The following MCAM variants were observed in gnomAD, a reference collection of about 807,000 sequenced individuals.
The protein encoded by MCAM is cell surface glycoprotein MUC18.
A neutral mutation model predicts 79.1 loss-of-function variants in MCAM; 55 were observed. The ratio of observed to expected loss-of-function variants is 0.70; its 90% CI spans 0.56 to 0.87. The LOEUF (loss-of-function observed/expected upper bound fraction) is 0.87, where lower values mean the gene tolerates loss of function less well. Ranked by LOEUF, MCAM falls within the 40% of genes least tolerant of loss-of-function variation. MCAM has a pLI of 0.00. For synonymous variants in MCAM, 330 were observed against 339.8 expected, an observed-to-expected ratio of 0.97 and a Z score of 0.32; for missense variants, 745 against 839.8, an observed-to-expected ratio of 0.89 and a Z score of 1.40.
Position 119,317,086 on chromosome 11 carries a change from G to C in MCAM, c.16C>G (p.Leu6Val), listed in dbSNP as rs754491611. MGLPR[L>V]VCAFLLAACC... ...GCGGCGAGCAAGAAGGCGCAGACCA[G>C]CCTGGGAAGCCCCATGCTTCCCGGC... Residue 6 changes from leucine to valine, a missense_variant, in exon 1 of 16, where the codon CTG becomes GTG. Physicochemically the swap from Leu to Val is conservative, Grantham distance 32. Coordinates refer to ENST00000264036, the MANE Select transcript of MCAM (RefSeq NM_006500.3). This position sits in a 1 kb window ranked among gnomAD's most constrained non-coding sequence, Gnocchi z 6.2. 1 of 1,531,740 alleles carries C rather than the reference G, an allele frequency of 6.5e-7. No homozygotes were observed. The highest frequency in any genetic ancestry group is 1.9e-4 in the Middle Eastern group (1 of 5,142). 94.9% of individuals were successfully genotyped at this position (1,531,740 alleles called of 1,614,324 possible).
Position 119,312,336 on chromosome 11 carries a change from A to G in MCAM, c.954T>C (p.Tyr318=). Residue 318 remains tyrosine, a synonymous_variant, in exon 8 of 16, where the codon TAT becomes TAC. Transcript: ENST00000264036. The surrounding 1 kb of genome is among the most constrained non-coding windows in gnomAD (Gnocchi z 4.9). ...EPARKEHSGR[Y]ECQGLDLDTM... is the part of the protein sequence containing the mutation. ...TGTCCAAGTCCAGGCCCTGACATTC[A>G]TAGCGCCCACTGTGTTCCTTCCGGG... 1 of 1,613,976 alleles carries G rather than the reference A, an allele frequency of 6.2e-7. No homozygotes were observed. The highest frequency in any genetic ancestry group is 1.1e-5 in the South Asian group (1 of 91,074).
chr11:119,310,959 C>A (rs571476783), intron 13 of MCAM, 56 bp from the exon 14 acceptor site: 2 of 1,613,786 alleles, frequency 1.2e-6, no homozygotes, highest in Non-Finnish European at 1.7e-6. Flanking sequence ...TCGTCACCAT[C>A]GTTGGCCCAG....
Position 119,311,555 on chromosome 11 carries a change from G to A in MCAM, c.1382C>T (p.Thr461Ile), listed in dbSNP as rs373274464. The A allele has an allele frequency of 1.1e-5, 18 of 1,614,032 alleles. No homozygotes were observed. The highest frequency in any genetic ancestry group is 1.5e-5 in the Non-Finnish European group (18 of 1,180,026). ...SCEASGHPRP[T>I]ISWNVNGTAS... ...CGTGCCGTTGACGTTCCAGGAGATGGTGGGCCGGGGGTGCCCTGACGCTTC... is the reference window on the plus strand; with the variant it reads ...CGTGCCGTTGACGTTCCAGGAGATGATGGGCCGGGGGTGCCCTGACGCTTC... The change falls in exon 11 of 16, where the codon ACC (threonine) becomes ATC (isoleucine). Residue 461 changes from threonine to isoleucine, a missense_variant. By Grantham distance (89) the Thr-to-Ile change is moderately conservative (BLOSUM62 -1). Transcript: ENST00000264036. The surrounding 1 kb of genome is among the most constrained non-coding windows in gnomAD (Gnocchi z 4.4).
intron 15 of MCAM, 143 bp from the exon 16 acceptor site, chr11:119,310,058 G>T: frequency 1.4e-6 from 1 of 730,640 alleles, no homozygotes; most frequent in Non-Finnish European, 2.3e-6. Flanking sequence ...GGGCATGGCA[G>T]GCCAGGGAAG....
At position 119,310,869 on chromosome 11, in the gene MCAM, C is replaced by T. The variant is rs770926903; in HGVS notation, c.1680G>A (p.Val560=). The change falls in exon 14 of 16, where the codon GTG becomes GTA. Residue 560 remains valine (V), a synonymous_variant. Coordinates refer to ENST00000264036, the MANE Select transcript of MCAM (RefSeq NM_006500.3). ...RKLPEPESRG[V]VIVAVIVCIL... is the part of the protein sequence containing the mutation. ...TGCACACAATCACAGCCACGATGAC[C>T]ACGCCCCGGCTCTCCGGCTCCGGCA... 6 of 1,614,206 alleles carry T rather than the reference C, an allele frequency of 3.7e-6. No individual in the cohort carries two copies. Among genetic ancestry groups the T allele is most frequent in the Non-Finnish European group, 5.1e-6 (6 of 1,180,038 alleles).
At chr11:119,313,357 C>T (rs1950262730) in intron 5 of MCAM, 3 of 1,270,434 alleles carry the variant, frequency 2.4e-6, no homozygotes, top group Non-Finnish European at 3.1e-6. Context: ...GTATACCATA[C>T]ACCACCACTT....
chr11:119,313,162 A>T, intron 5 of MCAM: 1 of 1,515,070 alleles, frequency 6.6e-7, no homozygotes, highest in Non-Finnish European at 8.8e-7. Flanking sequence ...GCTCATATCC[A>T]AGGATGTGTG....
intron 15 of MCAM, 186 bp from the exon 16 acceptor site, chr11:119,310,101 A>G (rs1950208278): frequency 4.7e-6 from 3 of 641,288 alleles, no homozygotes; most frequent in Non-Finnish European, 8.3e-6. Flanking sequence ...CACTGGTGAA[A>G]TGGCCACACC....
At chr11:119,310,972 A>T in intron 13 of MCAM, 69 bp from the exon 14 acceptor site, 4 of 1,613,540 alleles carry the variant, frequency 2.5e-6, no homozygotes, top group Non-Finnish European at 2.5e-6. Flanking sequence ...TGGCCCAGCC[A>T]GTCCAGGGCC....
chr11:119,310,881 C>CT lies in MCAM; in HGVS notation c.1667dup (p.Ser557GlufsTer28). On this transcript the variant is annotated frameshift_variant, in exon 14 of 16. Transcript: ENST00000264036. LOFTEE classifies it high-confidence loss of function. ...CAGCCACGATGACCACGCCCCGGCT[C>CT]TCCGGCTCCGGCAGCTTTCTCTCTG... 6.2e-7 allele frequency: 1 copy of CT among 1,614,198 alleles called. No individual in the cohort carries two copies. Among genetic ancestry groups the CT allele is most frequent in the Non-Finnish European group, 8.5e-7 (1 of 1,180,030 alleles).
In MCAM at chr11:119,312,663, G is replaced by C. The variant is rs377642716; in HGVS notation, c.740-15C>G. On this transcript the variant is annotated splice_polypyrimidine_tract_variant and intron_variant, in intron 6 of 15. Transcript: ENST00000264036. This position sits in a 1 kb window ranked among gnomAD's most constrained non-coding sequence, Gnocchi z 4.9. ...TTCTGTCGGGTCTGCATAGGCAAAGGGGGTAGCTCTTGGCCCATGAGTCAA... is the reference window on the plus strand; with the variant it reads ...TTCTGTCGGGTCTGCATAGGCAAAGCGGGTAGCTCTTGGCCCATGAGTCAA... The C allele has an allele frequency of 7.7e-5, 125 of 1,613,826 alleles. No individual in the cohort carries two copies. Among genetic ancestry groups the C allele is most frequent in the South Asian group, 2.3e-4 (21 of 91,078 alleles).
chr11:119,310,698 C>CAGGCAGCAGGCTGGGT, intron 14 of MCAM, 58 bp downstream of exon 14: 1 of 1,573,000 alleles, frequency 6.4e-7, no homozygotes, highest in Non-Finnish European at 8.7e-7. Flanking sequence ...GGGCGCTGGG[C>CAGGCAGCAGGCTGGGT]AGGCAGCAGG....
In MCAM at chr11:119,311,242, C is replaced by T; in HGVS notation, c.1549+38G>A. On this transcript the variant is annotated intron_variant, in intron 12 of 15. Coordinates refer to ENST00000264036, the MANE Select transcript of MCAM (RefSeq NM_006500.3). The surrounding 1 kb of genome is among the most constrained non-coding windows in gnomAD (Gnocchi z 4.4). ...GCGCAAGTTACTGCCCGTGCCTGGG[C>T]CTGCCCCTGCCATCCCCTGCAGGGA... is the stretch of plus-strand genomic sequence containing the variant. 1.2e-6 allele frequency: 2 copies of T among 1,613,230 alleles called. No homozygotes were observed. Among genetic ancestry groups the T allele is most frequent in the South Asian group, 2.2e-5 (2 of 91,060 alleles).
Position 119,312,358 on chromosome 11 carries a change from C to T in MCAM, c.932G>A (p.Arg311Gln), listed in dbSNP as rs140965114. Reference protein sequence around the residue: ...DNGVLVLEPARKEHSGRYECQ... With the variant: ...DNGVLVLEPAQKEHSGRYECQ... Reference sequence around the variant, plus strand: ...TTCATAGCGCCCACTGTGTTCCTTCCGGGCAGGCTCCAGCACCAGGACCCC... The same window carrying T: ...TTCATAGCGCCCACTGTGTTCCTTCTGGGCAGGCTCCAGCACCAGGACCCC... The change falls in exon 8 of 16, where the codon CGG (arginine) becomes CAG (glutamine). Residue 311 changes from arginine to glutamine, a missense_variant. Transcript: ENST00000264036. This position sits in a 1 kb window ranked among gnomAD's most constrained non-coding sequence, Gnocchi z 4.9. The T allele has an allele frequency of 7.1e-5, 115 of 1,614,054 alleles. No homozygotes were observed. In the East Asian group the frequency reaches 1.2e-3, roughly 17 times the overall value.
rs760545586 is a variant in MCAM at position 119,315,217 on chromosome 11, C to A, written c.114G>T (p.Val38=). ...TCAGAAGGGCTGTGCTGCCCACTTC[C>A]ACCTCCACCAGCTCAGGCGCAGGCT... The part of the protein sequence containing the change: ...AEQPAPELVE[V]EVGSTALLKC... The change falls in exon 2 of 16, where the codon GTG becomes GTT. Residue 38 remains valine (V), a synonymous_variant. Coordinates refer to ENST00000264036, the MANE Select transcript of MCAM (RefSeq NM_006500.3). The surrounding 1 kb of genome is among the most constrained non-coding windows in gnomAD (Gnocchi z 4.4). 5 of 1,612,752 alleles carry A rather than the reference C, an allele frequency of 3.1e-6. No individual in the cohort carries two copies. In the South Asian group the frequency reaches 5.5e-5, roughly 18 times the overall value.
At chr11:119,310,618 G>A (rs1950217749) in intron 14 of MCAM, 138 bp downstream of exon 14, 4 of 1,121,334 alleles carry the variant, frequency 3.6e-6, no homozygotes, top group Admixed American at 1.8e-5. Flanking sequence ...GCTGATGGAA[G>A]CTGGGCAGTG....
In MCAM at chr11:119,312,915, C is replaced by T. The variant is rs757168667; in HGVS notation, c.594G>A (p.Ser198=). The change falls in exon 6 of 16, where the codon TCG becomes TCA. Residue 198 remains serine, a synonymous_variant. Transcript: ENST00000264036. This position sits in a 1 kb window ranked among gnomAD's most constrained non-coding sequence, Gnocchi z 4.9. Reference sequence around the variant, plus strand: ...TACTCTGCAAGGTGTACAAACCACTCGACTCCACAGTCTGGGACGACTGAA... The same window carrying T: ...TACTCTGCAAGGTGTACAAACCACTTGACTCCACAGTCTGGGACGACTGAA... ...VHIQSSQTVE[S]SGLYTLQSIL... 7.4e-6 allele frequency: 12 copies of T among 1,614,008 alleles called. No individual in the cohort carries two copies. In the Admixed American group the frequency reaches 8.3e-5, roughly 11 times the overall value.
At chr11:119,310,152 GGTCTTTC>G (rs1950209002) in intron 15 of MCAM, 190 bp downstream of exon 15, 1 of 625,630 alleles carries the variant, frequency 1.6e-6, no homozygotes, top group Non-Finnish European at 2.8e-6. Flanking sequence ...GATGGGACAG[GGTCTTTC>G]TCAGTCTTCC....
Position 119,311,269 on chromosome 11 carries a change from G to A in MCAM, c.1549+11C>T. 1 of 1,614,132 alleles carries A rather than the reference G, an allele frequency of 6.2e-7. No homozygotes were observed. The highest frequency in any genetic ancestry group is 8.5e-7 in the Non-Finnish European group (1 of 1,179,956). ...TGCCCCTGCCATCCCCTGCAGGGATGCAGCCCTCACCCAGCTCCAGGAAGA... is the reference window on the plus strand; with the variant it reads ...TGCCCCTGCCATCCCCTGCAGGGATACAGCCCTCACCCAGCTCCAGGAAGA... On this transcript the variant is annotated intron_variant, in intron 12 of 15. Coordinates refer to ENST00000264036, the MANE Select transcript of MCAM (RefSeq NM_006500.3). The surrounding 1 kb of genome is among the most constrained non-coding windows in gnomAD (Gnocchi z 4.4).
Sources: allele counts gnomAD v4.1 joint callset, GRCh38; gene constraint gnomAD v4.1.1; non-coding constraint Gnocchi (gnomAD v3.1); transcripts MANE v1.5; gene names NCBI Gene and HGNC (gene_info 2026-07-23, HGNC 2026-07-21).